The following CTPS1 variants were observed in gnomAD, a reference collection of about 807,000 sequenced individuals.
The protein encoded by CTPS1 is CTP synthetase 1.
A neutral mutation model predicts 80.5 loss-of-function variants in CTPS1; 25 were observed. That is an observed-to-expected ratio of 0.31 (90% CI 0.23 to 0.43). The LOEUF is 0.43. Ranked by LOEUF, CTPS1 falls within the 20% of genes least tolerant of loss-of-function variation. CTPS1 has a pLI of 1.00. For missense variants in CTPS1, 442 were observed against 725.7 expected (o/e 0.61, Z 4.49); for synonymous variants, 267 against 252.5 (o/e 1.06, Z -0.54).
chr1:40,982,118 C>G (rs1642325153), intron 1 of CTPS1: 1 of 587,298 alleles, frequency 1.7e-6, no homozygotes, highest in Non-Finnish European at 2.7e-6. Context: ...CGTGGTGAGC[C>G]TGTCACGGTC....
intron 13 of CTPS1, among the ~76,000 whole-genome samples, chr1:41,006,578 G>C (rs1202789042): frequency 6.6e-6 from 1 of 152,184 alleles, no homozygotes; most frequent in Admixed American, 6.5e-5. Flanking sequence ...GGCGTACCTT[G>C]CGTTAGATTT....
intron 14 of CTPS1, among the ~76,000 whole-genome samples, chr1:41,008,197 C>T (rs753090368): frequency 2.6e-5 from 4 of 152,126 alleles, no homozygotes; most frequent in Admixed American, 6.5e-5. Flanking sequence ...GCAGCCCGTT[C>T]GCAAATGTCC....
chr1:41,008,261 G>A (rs866675120), intron 14 of CTPS1, among the ~76,000 whole-genome samples: 15 of 152,174 alleles, frequency 9.9e-5, no homozygotes, highest in Middle Eastern at 3.2e-3. Flanking sequence ...ACCATGATTG[G>A]AACTGAATGA....
intron 1 of CTPS1, chr1:40,982,096 T>C: frequency 1.1e-6 from 1 of 877,442 alleles, no homozygotes; most frequent in South Asian, 1.5e-5. Context: ...TGGGGACCAG[T>C]GATAAATCCT....
intron 4 of CTPS1, among the ~76,000 whole-genome samples, chr1:40,987,807 C>T (rs1186979950): frequency 6.6e-6 from 1 of 152,176 alleles, no homozygotes; most frequent in Admixed American, 6.5e-5. Context: ...TCCGAATGAG[C>T]TTCATTTGGT....
At chr1:40,989,511 G>A (rs1642547388) in intron 5 of CTPS1, among the ~76,000 whole-genome samples, 1 of 152,064 alleles carries the variant, frequency 6.6e-6, no homozygotes, top group Admixed American at 6.6e-5. Context: ...TGGCTCTGGC[G>A]GCTCCCCATG....
intron 9 of CTPS1, 54 bp from the exon 10 acceptor site, chr1:41,000,975 C>A: frequency 8.3e-7 from 1 of 1,209,400 alleles, no homozygotes. Flanking sequence ...AAATTAAGAA[C>A]GCACAGCCTG....
intron 5 of CTPS1, 28 bp from the exon 6 acceptor site, chr1:40,991,136 CT>C (rs111518708): frequency 0.057 from 64,245 of 1,119,194 alleles, 1 homozygote; most frequent in Non-Finnish European, 0.062. Flanking sequence ...GGGAAACTAA[CT>C]TTTTTTTTTT....
At chr1:40,987,988 C>T (rs1209225992) in intron 4 of CTPS1, among the ~76,000 whole-genome samples, 5 of 152,162 alleles carry the variant, frequency 3.3e-5, no homozygotes, top group Non-Finnish European at 5.9e-5. Flanking sequence ...TCATGGCTCA[C>T]TGCAACCTTG....
Position 41,011,984 on chromosome 1 carries a change from C to CT in CTPS1, c.*337dup, listed in dbSNP as rs1643184374. The CT allele has an allele frequency of 6.6e-6, 1 of 152,206 alleles. No homozygotes were observed. The highest frequency in any genetic ancestry group is 2.4e-5 in the African/African-American group (1 of 41,436). The allele number at this position is 152,206 out of a possible 1,614,324, so 9.4% of individuals were successfully genotyped here. On this transcript the variant is annotated 3_prime_UTR_variant, in exon 19 of 19. Coordinates refer to ENST00000650070, the MANE Select transcript of CTPS1 (RefSeq NM_001905.4). ...ATCATTGCAGATGCTAGCGCGTTGCCTGTCGCTTTCCCTTGGATACCTAGA... is the reference window on the plus strand; with the variant it reads ...ATCATTGCAGATGCTAGCGCGTTGCCTTGTCGCTTTCCCTTGGATACCTAGA...
intron 1 of CTPS1, chr1:40,980,126 C>G (rs1342411491): frequency 1.3e-5 from 2 of 151,310 alleles, no homozygotes; most frequent in African/African-American, 4.8e-5. Flanking sequence ...GCCTGCGCTG[C>G]CGCGCTGGGC....
intron 13 of CTPS1, 91 bp downstream of exon 13, chr1:41,006,185 A>G: frequency 9.1e-7 from 1 of 1,098,306 alleles, no homozygotes; most frequent in Non-Finnish European, 1.4e-6. Context: ...AAGAAGTGAG[A>G]CTGCTTGAGT....
chr1:41,003,292 G>A (rs903895837), intron 12 of CTPS1, 116 bp downstream of exon 12: 35 of 1,091,504 alleles, frequency 3.2e-5, no homozygotes, highest in Non-Finnish European at 4.6e-5. Flanking sequence ...TGGGTTCCTA[G>A]CACCTCATGG....
chr1:40,980,048 G>T (rs1424703461), intron 1 of CTPS1: 1 of 151,208 alleles, frequency 6.6e-6, no homozygotes, highest in Non-Finnish European at 1.5e-5. Flanking sequence ...CCGCGCGCGG[G>T]CCTCGTGGCC....
intron 3 of CTPS1, 80 bp downstream of exon 3, chr1:40,985,071 T>A: frequency 1.0e-6 from 1 of 979,576 alleles, no homozygotes; most frequent in Non-Finnish European, 1.4e-6. Flanking sequence ...CACAGATGTG[T>A]AATTCCCTTT....
In CTPS1 at chr1:40,988,713, A is replaced by C. The variant is rs1642521250; in HGVS notation, c.555+3A>C. ...TCCACGTCAGTCTAGTTCCCCAGGT[A>C]AGTAAGACATTGAAAGTTTTACTTT... On this transcript the variant is annotated splice_donor_region_variant and intron_variant, in intron 5 of 18. Transcript: ENST00000650070. 1 of 1,593,914 alleles carries C rather than the reference A, an allele frequency of 6.3e-7. No individual in the cohort carries two copies. Among genetic ancestry groups the C allele is most frequent in the African/African-American group, 1.3e-5 (1 of 74,524 alleles).
chr1:41,008,777 T>A lies in CTPS1; in HGVS notation c.1450-17T>A. Reference sequence around the variant, plus strand: ...TGAGCTGAGAGACCAGCAGAATTATTTTTCATGCCTCAACAGGTGAATCCA... The same window carrying A: ...TGAGCTGAGAGACCAGCAGAATTATATTTCATGCCTCAACAGGTGAATCCA... On this transcript the variant is annotated splice_polypyrimidine_tract_variant and intron_variant, in intron 15 of 18. Coordinates refer to ENST00000650070, the MANE Select transcript of CTPS1 (RefSeq NM_001905.4). The A allele has an allele frequency of 6.2e-7, 1 of 1,614,076 alleles. No homozygotes were observed. Among genetic ancestry groups the A allele is most frequent in the Non-Finnish European group, 8.5e-7 (1 of 1,179,938 alleles).
chr1:40,982,670 A>G (rs1368336388), intron 1 of CTPS1, among the ~76,000 whole-genome samples: 2 of 152,216 alleles, frequency 1.3e-5, no homozygotes, highest in African/African-American at 4.8e-5. Context: ...GATTACAGGC[A>G]TGAGCCACCA....
intron 13 of CTPS1, among the ~76,000 whole-genome samples, chr1:41,006,641 G>A (rs1163581153): frequency 1.3e-5 from 2 of 152,184 alleles, no homozygotes; most frequent in Admixed American, 1.3e-4. Flanking sequence ...GGCACATGGA[G>A]GAGGGACGAT....
Sources: allele counts gnomAD v4.1 joint callset (sites outside exome capture counted in the v4.1 genomes callset), GRCh38; gene constraint gnomAD v4.1.1; transcripts MANE v1.5; gene names NCBI Gene and HGNC (gene_info 2026-07-23, HGNC 2026-07-21).